Variants in C8orf34 observed in about 807,000 individuals in gnomAD.
C8orf34 encodes uncharacterized protein C8orf34.
In C8orf34, 65 loss-of-function variants were observed where a neutral mutation model predicts 68.3. The ratio of observed to expected loss-of-function variants is 0.95; its 90% CI spans 0.78 to 1.17. C8orf34 has a LOEUF of 1.17. C8orf34 is among the 50% of genes most tolerant of loss of function. C8orf34 has a pLI of 0.00. For missense variants in C8orf34, 664 were observed against 655.4 expected (o/e 1.01, Z -0.14); for synonymous variants, 244 against 241.2 (o/e 1.01, Z -0.11).
chr8:68,450,395 C>A (rs1811292936), intron 3 of C8orf34, among the ~76,000 whole-genome samples: 1 of 152,066 alleles, frequency 6.6e-6, no homozygotes, highest in East Asian at 1.9e-4. Context: ...TTCTTAATGG[C>A]ATCTAGAATG....
intron 8 of C8orf34, among the ~76,000 whole-genome samples, chr8:68,678,639 C>T (rs1820266358): frequency 6.6e-6 from 1 of 151,994 alleles, no homozygotes; most frequent in Non-Finnish European, 1.5e-5. Flanking sequence ...TAGTAGTATA[C>T]TGAATGGGGA....
At chr8:68,599,296 T>C (rs537451236) in intron 7 of C8orf34, among the ~76,000 whole-genome samples, 2 of 152,198 alleles carry the variant, frequency 1.3e-5, no homozygotes, top group South Asian at 4.1e-4. Flanking sequence ...GATTTCAATA[T>C]AGTTATAATG....
chr8:68,760,120 A>G (rs541191206), intron 10 of C8orf34, among the ~76,000 whole-genome samples: 1 of 152,218 alleles, frequency 6.6e-6, no homozygotes, highest in Admixed American at 6.5e-5. Context: ...CTTGATAGTG[A>G]AGGGAGTTGC....
chr8:68,677,880 A>G (rs1820241916), intron 8 of C8orf34, among the ~76,000 whole-genome samples: 1 of 152,188 alleles, frequency 6.6e-6, no homozygotes, highest in African/African-American at 2.4e-5. Context: ...AAATAAATGA[A>G]ATCAGAGATG....
At chr8:68,534,754 G>A in intron 7 of C8orf34, 1 of 985,362 alleles carries the variant, frequency 1.0e-6, no homozygotes, top group Non-Finnish European at 1.2e-6. Context: ...AGGGGCAACT[G>A]AGATCCAGGG....
At chr8:68,558,805 A>G (rs1816333871) in intron 7 of C8orf34, among the ~76,000 whole-genome samples, 2 of 152,202 alleles carry the variant, frequency 1.3e-5, no homozygotes, top group Admixed American at 6.6e-5. Context: ...TACTAGGAAA[A>G]TACAGAGCCA....
chr8:68,701,378 T>C (rs1056320687), intron 8 of C8orf34, among the ~76,000 whole-genome samples: 1 of 152,160 alleles, frequency 6.6e-6, no homozygotes, highest in African/African-American at 2.4e-5. Context: ...GTAAAATAAA[T>C]GTTCCTTGAA....
chr8:68,741,965 A>G (rs986657650), intron 10 of C8orf34, among the ~76,000 whole-genome samples: 1 of 152,196 alleles, frequency 6.6e-6, no homozygotes, highest in African/African-American at 2.4e-5. Flanking sequence ...TCTATCCAAC[A>G]TTCTATCCAA....
intron 2 of C8orf34, among the ~76,000 whole-genome samples, chr8:68,445,575 T>C (rs2129626652): frequency 6.6e-6 from 1 of 152,240 alleles, no homozygotes; most frequent in South Asian, 2.1e-4. Context: ...GTAACAATGT[T>C]GGTTGATTTA....
intron 1 of C8orf34, among the ~76,000 whole-genome samples, chr8:68,383,337 C>T (rs1808122215): frequency 6.6e-6 from 1 of 152,290 alleles, no homozygotes; most frequent in African/African-American, 2.4e-5. Context: ...TGTCCTCTAG[C>T]CCCATTTCCC....
intron 4 of C8orf34, among the ~76,000 whole-genome samples, chr8:68,482,631 A>G (rs944128870): frequency 2.0e-4 from 30 of 152,186 alleles, no homozygotes; most frequent in African/African-American, 6.8e-4. Context: ...ATTTATTGAT[A>G]AAAGTTTTAC....
intron 7 of C8orf34, among the ~76,000 whole-genome samples, chr8:68,601,224 G>A (rs915666667): frequency 6.6e-6 from 1 of 151,764 alleles, no homozygotes; most frequent in Non-Finnish European, 1.5e-5. Flanking sequence ...TTGTGTCTTG[G>A]TATGGATTTC....
At chr8:68,541,413 C>T (rs748303197) in intron 7 of C8orf34, among the ~76,000 whole-genome samples, 1 of 151,730 alleles carries the variant, frequency 6.6e-6, no homozygotes, top group Non-Finnish European at 1.5e-5. Context: ...CTGTGGTGAG[C>T]TATGATGGCA....
chr8:68,542,942 C>G (rs1469403568), intron 7 of C8orf34, among the ~76,000 whole-genome samples: 2 of 152,036 alleles, frequency 1.3e-5, no homozygotes, highest in East Asian at 1.9e-4. Context: ...TACCATCATA[C>G]TATACATATT....
intron 2 of C8orf34, among the ~76,000 whole-genome samples, chr8:68,445,945 A>G (rs1811102993): frequency 6.6e-6 from 1 of 151,950 alleles, no homozygotes. Context: ...GCCCGCCATC[A>G]TGCCCGGCTA....
At chr8:68,420,192 G>T (rs1279497129) in intron 1 of C8orf34, among the ~76,000 whole-genome samples, 1 of 150,948 alleles carries the variant, frequency 6.6e-6, no homozygotes, top group African/African-American at 2.4e-5. Context: ...GCTTTTTATA[G>T]CTTCCCAGGG....
chr8:68,336,627 A>G (rs370045360), intron 1 of C8orf34, among the ~76,000 whole-genome samples: 7 of 152,282 alleles, frequency 4.6e-5, no homozygotes, highest in Admixed American at 3.3e-4. Context: ...ATATACCTAC[A>G]TTTACTTCCC....
intron 8 of C8orf34, among the ~76,000 whole-genome samples, chr8:68,677,828 A>G (rs1376476789): frequency 6.6e-6 from 1 of 152,232 alleles, no homozygotes; most frequent in Non-Finnish European, 1.5e-5. Flanking sequence ...AATGAAATTG[A>G]CAGACCTTTA....
At chr8:68,551,824 A>G (rs574759495) in intron 7 of C8orf34, among the ~76,000 whole-genome samples, 3 of 152,060 alleles carry the variant, frequency 2.0e-5, no homozygotes, top group Admixed American at 1.3e-4. Flanking sequence ...AAATAAACTC[A>G]TGTTTTCTTC....
Sources: allele counts gnomAD v4.1 joint callset (sites outside exome capture counted in the v4.1 genomes callset), GRCh38; gene constraint gnomAD v4.1.1; transcripts MANE v1.5; gene names NCBI Gene and HGNC (gene_info 2026-07-23, HGNC 2026-07-21).